CTNNA1: variants seen among roughly 807,000 people sequenced by gnomAD.
CTNNA1 encodes the protein catenin alpha-1.
Under a neutral mutation model 98.4 loss-of-function variants are expected in CTNNA1, and 37 were observed. The observed-to-expected ratio is 0.38, with a 90% CI of 0.29 to 0.49. The LOEUF (loss-of-function observed/expected upper bound fraction) is 0.49, where lower values mean the gene tolerates loss of function less well. Ranked by LOEUF, CTNNA1 falls within the 20% of genes least tolerant of loss-of-function variation. CTNNA1 has a pLI of 0.95. For missense variants in CTNNA1, 761 were observed against 1,147.2 expected, an observed-to-expected ratio of 0.66 and a Z score of 4.86; for synonymous variants, 404 against 413.2, an observed-to-expected ratio of 0.98 and a Z score of 0.27.
intron 1 of CTNNA1, among the ~76,000 whole-genome samples, chr5:138,758,152 A>G (rs1473565039): frequency 6.6e-6 from 1 of 151,380 alleles, no homozygotes; most frequent in Non-Finnish European, 1.5e-5. Flanking sequence ...GATTACAGGC[A>G]TGTGCCACCA....
At chr5:138,929,212 T>G in intron 13 of CTNNA1, 34 bp from the exon 14 acceptor site, 1 of 1,173,514 alleles carries the variant, frequency 8.5e-7, no homozygotes, top group Non-Finnish European at 1.3e-6. Flanking sequence ...GGCCCAGAGA[T>G]GTGTCTGACC....
rs1751019174 is a variant in CTNNA1 at position 138,874,251 on chromosome 5, C to A, written c.1063-11961C>A. 1 of 1,613,868 alleles carries A rather than the reference C, an allele frequency of 6.2e-7. No individual in the cohort carries two copies. The highest frequency in any genetic ancestry group is 8.5e-7 in the Non-Finnish European group (1 of 1,179,902). On this transcript the variant is annotated intron_variant, in intron 7 of 17. Transcript: ENST00000302763. The surrounding 1 kb of genome is among the most constrained non-coding windows in gnomAD (Gnocchi z 4.1). ...TTAAGTTTATATAGTCCTTGAAAAG[C>A]ATCTTCTTTTACTGTTGAAATTTGA...
intron 8 of CTNNA1, 62 bp downstream of exon 8, chr5:138,886,354 A>G: frequency 2.0e-6 from 3 of 1,507,428 alleles, no homozygotes; most frequent in East Asian, 4.7e-5. Context: ...TTTGATTAAA[A>G]TCCTAATAAG....
rs972296777 is a variant in CTNNA1, at chr5:138,887,477, A to G, written c.1144-13A>G. The G allele has an allele frequency of 3.8e-6, 6 of 1,574,142 alleles. No homozygotes were observed. Among genetic ancestry groups the G allele is most frequent in the Middle Eastern group, 1.7e-4 (1 of 5,908 alleles). ...GTAGAAATAAAATCAAATTTTTACA[A>G]TTTAATCATTAGCTCCGCAAAGCTG... On this transcript the variant is annotated splice_polypyrimidine_tract_variant and intron_variant, in intron 8 of 17. Coordinates refer to ENST00000302763, the MANE Select transcript of CTNNA1 (RefSeq NM_001903.5).
At chr5:138,931,063 A>C in intron 16 of CTNNA1, 128 bp downstream of exon 16, 1 of 660,746 alleles carries the variant, frequency 1.5e-6, no homozygotes, top group Non-Finnish European at 2.8e-6. Flanking sequence ...AATGGTTCTT[A>C]TTAATCCCAG....
rs778386421 is a variant in CTNNA1 at position 138,827,487 on chromosome 5, CTAACATTCGG to C, written c.859-24_859-15del. ...ATAAAGAAGGGAACAGAGATGAGTACTAACATTCGGTAATACTTTCTCTGCAGAAACAAAT... is the reference window on the plus strand; with the variant it reads ...ATAAAGAAGGGAACAGAGATGAGTACTAATACTTTCTCTGCAGAAACAAAT... On this transcript the variant is annotated intron_variant, in intron 6 of 17. Transcript: ENST00000302763. 1 of 1,609,166 alleles carries C rather than the reference CTAACATTCGG, an allele frequency of 6.2e-7. No homozygotes were observed. The highest frequency in any genetic ancestry group is 2.2e-5 in the East Asian group (1 of 44,852).
intron 7 of CTNNA1, among the ~76,000 whole-genome samples, chr5:138,840,339 T>A (rs975341541): frequency 6.6e-6 from 1 of 152,226 alleles, no homozygotes; most frequent in Admixed American, 6.5e-5. Context: ...CCAGTCTGCA[T>A]GATTTTGTAG....
chr5:138,930,953 C>G lies in CTNNA1; in HGVS notation c.2298+18C>G. ...CAGACCATGTAAGTGACAGACTTGC[C>G]AGGTGGGTCTCCAAGCTCCTCCTGG... On this transcript the variant is annotated intron_variant, in intron 16 of 17. Coordinates refer to ENST00000302763, the MANE Select transcript of CTNNA1 (RefSeq NM_001903.5). 6.4e-7 allele frequency: 1 copy of G among 1,561,142 alleles called. No individual in the cohort carries two copies. Among genetic ancestry groups the G allele is most frequent in the Non-Finnish European group, 8.8e-7 (1 of 1,131,736 alleles).
In CTNNA1 at chr5:138,782,030, G is replaced by C. The variant is rs374313094; in HGVS notation, c.105+1G>C. On this transcript the variant is annotated splice_donor_variant, in intron 2 of 17. Transcript: ENST00000302763. LOFTEE classifies it high-confidence loss of function. ...ACTGTTGGAGCCTCTTGTTACACAGGTAAGAATCTGAAAACACAAATACAT... is the reference window on the plus strand; with the variant it reads ...ACTGTTGGAGCCTCTTGTTACACAGCTAAGAATCTGAAAACACAAATACAT... The C allele has an allele frequency of 3.1e-6, 5 of 1,607,396 alleles. No homozygotes were observed. The highest frequency in any genetic ancestry group is 4.2e-6 in the Non-Finnish European group (5 of 1,178,502).
At chr5:138,884,918 G>A (rs531773319) in intron 7 of CTNNA1, among the ~76,000 whole-genome samples, 1 of 152,184 alleles carries the variant, frequency 6.6e-6, no homozygotes, top group East Asian at 1.9e-4. Flanking sequence ...CAGTATTAAT[G>A]GAATATTTAA....
intron 7 of CTNNA1, among the ~76,000 whole-genome samples, chr5:138,858,525 C>T (rs1250836028): frequency 6.6e-6 from 1 of 151,872 alleles, no homozygotes; most frequent in African/African-American, 2.4e-5. Context: ...GTAACCCAAG[C>T]CTCTATCAAG....
At chr5:138,928,165 C>G (rs1239382068) in intron 13 of CTNNA1, among the ~76,000 whole-genome samples, 1 of 152,358 alleles carries the variant, frequency 6.6e-6, no homozygotes, top group Non-Finnish European at 1.5e-5. Flanking sequence ...CCTCCTGTCA[C>G]AGGCCAGCCG....
intron 7 of CTNNA1, among the ~76,000 whole-genome samples, chr5:138,884,325 CTT>C (rs966273376): frequency 9.9e-5 from 15 of 152,032 alleles, no homozygotes; most frequent in African/African-American, 3.4e-4. Context: ...AGCCAAGGTT[CTT>C]GTTATGTAGA....
At chr5:138,758,566 G>A (rs1751965136) in intron 1 of CTNNA1, among the ~76,000 whole-genome samples, 1 of 151,948 alleles carries the variant, frequency 6.6e-6, no homozygotes, top group African/African-American at 2.4e-5. Flanking sequence ...TAGTAGAGAT[G>A]GCATTTCACC....
At position 138,812,193 on chromosome 5, in the gene CTNNA1, G is replaced by T. The variant is rs1415757253; in HGVS notation, c.479G>T (p.Gly160Val). The T allele has an allele frequency of 5.0e-6, 8 of 1,613,166 alleles. No individual in the cohort carries two copies. Among genetic ancestry groups the T allele is most frequent in the East Asian group, 2.2e-5 (1 of 44,844 alleles). The change falls in exon 5 of 18, where the codon GGT (glycine) becomes GTT (valine). Residue 160 changes from glycine to valine, a missense_variant. Transcript: ENST00000302763. ...LLVQLKVVED[G>V]ILKLRNAGNE... The stretch of plus-strand genomic sequence containing the variant: ...TTTCTTATTTTATAGGTGGAAGATG[G>T]TATCTTGAAGTTGAGGAATGCTGGC...
At chr5:138,881,761 T>TTTGTTG (rs35977291) in intron 7 of CTNNA1, among the ~76,000 whole-genome samples, 8 of 151,846 alleles carry the variant, frequency 5.3e-5, no homozygotes, top group Admixed American at 2.6e-4. Context: ...TAATTCATTG[T>TTTGTTG]TTGTTGTTGT....
chr5:138,885,463 T>TA (rs910738110), intron 7 of CTNNA1, among the ~76,000 whole-genome samples: 3 of 152,232 alleles, frequency 2.0e-5, no homozygotes, highest in Non-Finnish European at 4.4e-5. Flanking sequence ...ACCTGGGATT[T>TA]AAAAAAAGAC....
chr5:138,809,945 A>G (rs1758501581), intron 3 of CTNNA1, 93 bp from the exon 4 acceptor site: 1 of 1,428,438 alleles, frequency 7.0e-7, no homozygotes, highest in Non-Finnish European at 9.3e-7. Context: ...TGCATGAAAT[A>G]TACAAAGTTT....
chr5:138,777,159 A>G (rs1754389605), intron 1 of CTNNA1, among the ~76,000 whole-genome samples: 2 of 148,290 alleles, frequency 1.3e-5, no homozygotes, highest in Admixed American at 1.3e-4. Context: ...CTGGGCAGAG[A>G]CGCTCCTCAC....
Sources: allele counts gnomAD v4.1 joint callset (sites outside exome capture counted in the v4.1 genomes callset), GRCh38; gene constraint gnomAD v4.1.1; non-coding constraint Gnocchi (gnomAD v3.1); transcripts MANE v1.5; gene names NCBI Gene and HGNC (gene_info 2026-07-23, HGNC 2026-07-21).